Variants in PHF21B observed in about 807,000 individuals in gnomAD.
PHF21B encodes PHD finger protein 21B.
In PHF21B, 22 loss-of-function variants were observed where a neutral mutation model predicts 62.2. That is an observed-to-expected ratio of 0.35 (90% CI 0.25 to 0.51). The LOEUF (loss-of-function observed/expected upper bound fraction) is 0.51, where lower values mean the gene tolerates loss of function less well. Ranked by LOEUF, PHF21B falls within the 20% of genes least tolerant of loss-of-function variation. The pLI is 0.97. For synonymous variants in PHF21B, 341 were observed against 314.7 expected (o/e 1.08, Z -0.88); for missense variants, 701 against 707.9 (o/e 0.99, Z 0.11).
intron 2 of PHF21B, among the ~76,000 whole-genome samples, chr22:44,932,814 C>T (rs916901484): frequency 6.6e-6 from 1 of 152,264 alleles, no homozygotes; most frequent in Non-Finnish European, 1.5e-5. Flanking sequence ...CCCCAGTCAC[C>T]CCATCCCCAA....
At chr22:44,926,188 G>A (rs2071627593) in intron 2 of PHF21B, among the ~76,000 whole-genome samples, 1 of 151,698 alleles carries the variant, frequency 6.6e-6, no homozygotes, top group South Asian at 2.1e-4. Flanking sequence ...TGGATTCCCA[G>A]GGAAGCACAT....
Position 45,009,003 on chromosome 22 carries a change from G to A in PHF21B, c.55-393C>T, listed in dbSNP as rs916966192. On this transcript the variant is annotated intron_variant, in intron 1 of 12. Coordinates refer to ENST00000313237, the MANE Select transcript of PHF21B (RefSeq NM_138415.5). This position sits in a 1 kb window ranked among gnomAD's most constrained non-coding sequence, Gnocchi z 5.9. ...AGCAAAGCTCATAAATATTCAAGTC[G>A]CGTCCTAATCTCCCCAACACACACA... The A allele has an allele frequency of 1.7e-5, 19 of 1,107,390 alleles. No individual in the cohort carries two copies. The highest frequency in any genetic ancestry group is 9.9e-5 in the East Asian group (2 of 20,198). The allele number at this position is 1,107,390 out of a possible 1,614,324, so 68.6% of individuals were successfully genotyped here.
chr22:44,891,474 G>A, intron 7 of PHF21B, 114 bp from the exon 8 acceptor site: 1 of 1,259,894 alleles, frequency 7.9e-7, no homozygotes, highest in Non-Finnish European at 1.1e-6. Context: ...CAGGGCTCCA[G>A]GCTCTGGCTG....
intron 2 of PHF21B, among the ~76,000 whole-genome samples, chr22:44,957,179 CT>C (rs2072317155): frequency 6.6e-6 from 1 of 152,252 alleles, no homozygotes; most frequent in African/African-American, 2.4e-5. Context: ...CCCACAGCCT[CT>C]GCAGGGGACT....
chr22:44,895,719 G>T (rs1165889078), intron 6 of PHF21B, among the ~76,000 whole-genome samples: 1 of 152,208 alleles, frequency 6.6e-6, no homozygotes, highest in African/African-American at 2.4e-5. Context: ...CTGAAACAAG[G>T]AAGTGCCACA....
intron 2 of PHF21B, chr22:45,008,307 G>A (rs1275070515): frequency 5.4e-6 from 2 of 373,408 alleles, no homozygotes; most frequent in East Asian, 4.0e-5. Context: ...GCCGCGCGCT[G>A]CCTTTTAAGT....
At chr22:44,913,320 A>G (rs1395906440) in intron 5 of PHF21B, among the ~76,000 whole-genome samples, 1 of 152,190 alleles carries the variant, frequency 6.6e-6, no homozygotes, top group Non-Finnish European at 1.5e-5. Flanking sequence ...GGCAGGGGCC[A>G]CTGCCCAGAG....
intron 1 of PHF21B, 36 bp from the exon 2 acceptor site, chr22:45,008,646 AC>A: frequency 6.6e-7 from 1 of 1,514,790 alleles, no homozygotes; most frequent in Non-Finnish European, 8.9e-7. Context: ...CAGGCAGGCC[AC>A]CCGGGGTCAG....
intron 3 of PHF21B, among the ~76,000 whole-genome samples, chr22:44,918,847 C>G (rs1165088872): frequency 1.3e-5 from 2 of 152,206 alleles, no homozygotes; most frequent in Non-Finnish European, 2.9e-5. Context: ...GGCAGCCTCT[C>G]CCTGGAGCCT....
rs149909753 is a variant in PHF21B at position 44,980,147 on chromosome 22, C to A, written c.120+28398G>T. 6.2e-4 allele frequency among the ~76,000 whole-genome samples: 94 copies of A among 150,794 alleles called. 2 individuals are homozygous for A. The East Asian group carries it at 0.016, about 25-fold the overall frequency. On this transcript the variant is annotated intron_variant, in intron 2 of 12. Transcript: ENST00000313237. ...GCCTACGAGGCCACTGCATTTACTCCATTTGCGAAGCTGTGCAACCACCAC... is the reference window on the plus strand; with the variant it reads ...GCCTACGAGGCCACTGCATTTACTCAATTTGCGAAGCTGTGCAACCACCAC...
At chr22:44,968,522 T>C (rs2072574943) in intron 2 of PHF21B, among the ~76,000 whole-genome samples, 1 of 151,844 alleles carries the variant, frequency 6.6e-6, no homozygotes, top group South Asian at 2.1e-4. Flanking sequence ...CACGTGCTTG[T>C]AATGCCAGCT....
intron 5 of PHF21B, among the ~76,000 whole-genome samples, chr22:44,904,465 GTCTT>G (rs2071214743): frequency 6.6e-6 from 1 of 152,180 alleles, no homozygotes; most frequent in East Asian, 1.9e-4. Context: ...TGTGTAAAAT[GTCTT>G]TCTTTTGCCC....
intron 2 of PHF21B, among the ~76,000 whole-genome samples, chr22:44,922,433 G>C (rs1205858387): frequency 2.0e-5 from 3 of 152,192 alleles, no homozygotes; most frequent in Non-Finnish European, 4.4e-5. Context: ...AGGAGTTCAA[G>C]ACCAGCCTGA....
intron 5 of PHF21B, among the ~76,000 whole-genome samples, chr22:44,896,886 T>TTTTTTTTTGTTG (rs1445815807): frequency 1.4e-5 from 2 of 143,056 alleles, no homozygotes; most frequent in Non-Finnish European, 3.0e-5. Context: ...ATCTGTTTTT[T>TTTTTTTTTGTTG]TTTTTTTTTT....
rs112325397 is a variant in PHF21B, at chr22:44,970,144, T to C, written c.120+38401A>G. Among the ~76,000 whole-genome samples, 246 of 152,334 alleles carry C rather than the reference T, an allele frequency of 1.6e-3. 1 individual carries two copies. The highest frequency in any genetic ancestry group is 5.6e-3 in the African/African-American group (232 of 41,560). ...ACAGAGCTGGCTTATCGGAGATGCA[T>C]GGCACTCCTGCCTCGATCCCAGGCC... On this transcript the variant is annotated intron_variant, in intron 2 of 12. Coordinates refer to ENST00000313237, the MANE Select transcript of PHF21B (RefSeq NM_138415.5).
Position 45,009,408 on chromosome 22 carries a change from C to T in PHF21B, c.54+88G>A. On this transcript the variant is annotated intron_variant, in intron 1 of 12. Coordinates refer to ENST00000313237, the MANE Select transcript of PHF21B (RefSeq NM_138415.5). The surrounding 1 kb of genome is among the most constrained non-coding windows in gnomAD (Gnocchi z 5.9). ...CTCCAGCCTGGAAGACCCAGAGACC[C>T]GGAAGAGAGGATGCTGGGCTCGGGT... 20 of 1,342,574 alleles carry T rather than the reference C, an allele frequency of 1.5e-5. No homozygotes were observed. Among genetic ancestry groups the T allele is most frequent in the Non-Finnish European group, 2.0e-5 (20 of 1,004,556 alleles). 83.2% of individuals were successfully genotyped at this position (1,342,574 alleles called of 1,614,324 possible). A position where few individuals can be genotyped will look rare whatever the true frequency, so the allele number is the denominator to read the frequency against.
Position 45,009,589 on chromosome 22 carries a change from G to A in PHF21B, c.-40C>T, listed in dbSNP as rs371599128. ...CAGCACTTTGCGCTCACTTTGGCCC[G>A]GGCTCCCGGGAAGTTGCGCGGCTCC... On this transcript the variant is annotated 5_prime_UTR_variant, in exon 1 of 13. Transcript: ENST00000313237. The surrounding 1 kb of genome is among the most constrained non-coding windows in gnomAD (Gnocchi z 5.9). 847 of 1,523,486 alleles carry A rather than the reference G, an allele frequency of 5.6e-4. No homozygotes were observed. Among genetic ancestry groups the A allele is most frequent in the Non-Finnish European group, 5.5e-4 (634 of 1,147,278 alleles). 94.4% of individuals were successfully genotyped at this position (1,523,486 alleles called of 1,614,324 possible). A position where few individuals can be genotyped will look rare whatever the true frequency, so the allele number is the denominator to read the frequency against.
intron 5 of PHF21B, among the ~76,000 whole-genome samples, chr22:44,898,015 C>A (rs1482766777): frequency 1.3e-5 from 2 of 152,120 alleles, no homozygotes; most frequent in Non-Finnish European, 2.9e-5. Context: ...TGCTATGTTA[C>A]CCAGGCTAGT....
At chr22:44,885,121 T>C (rs1473472717) in intron 12 of PHF21B, among the ~76,000 whole-genome samples, 1 of 152,244 alleles carries the variant, frequency 6.6e-6, no homozygotes, top group Non-Finnish European at 1.5e-5. Context: ...GGATGCTTGG[T>C]GAGTCTGTCT....
Sources: allele counts gnomAD v4.1 joint callset (sites outside exome capture counted in the v4.1 genomes callset), GRCh38; gene constraint gnomAD v4.1.1; non-coding constraint Gnocchi (gnomAD v3.1); transcripts MANE v1.5; gene names NCBI Gene and HGNC (gene_info 2026-07-23, HGNC 2026-07-21).